SLC41A3: variants seen among roughly 807,000 people sequenced by gnomAD.
The protein encoded by SLC41A3 is solute carrier family 41 member 3.
Under a neutral mutation model 45.4 loss-of-function variants are expected in SLC41A3, and 44 were observed. The observed-to-expected ratio is 0.97, with a 90% CI of 0.76 to 1.25. SLC41A3 has a LOEUF of 1.25. Among genes scored for constraint, SLC41A3 ranks in the 50% most tolerant of loss-of-function variants. The probability of loss-of-function intolerance (pLI) is 0.00; values close to 1 mark genes in which losing one functional copy is unlikely to be tolerated. For missense variants in SLC41A3, 550 were observed against 600.6 expected, an observed-to-expected ratio of 0.92 and a Z score of 0.88; for synonymous variants, 256 against 252.4, an observed-to-expected ratio of 1.01 and a Z score of -0.13.
upstream of SLC41A3, among the ~76,000 whole-genome samples, chr3:126,088,159 G>A (rs1338098337): frequency 4.0e-5 from 6 of 151,884 alleles, no homozygotes; most frequent in African/African-American, 1.5e-4. Flanking sequence ...TTGAAAACAG[G>A]CCAATAAAAT....
intron 2 of SLC41A3, among the ~76,000 whole-genome samples, chr3:126,064,571 C>A (rs1248536277): frequency 6.6e-6 from 1 of 152,094 alleles, no homozygotes; most frequent in East Asian, 1.9e-4. Context: ...GGACTCCCCA[C>A]CCTCACCAGC....
chr3:126,062,227 C>T (rs549609143), intron 2 of SLC41A3, among the ~76,000 whole-genome samples: 1 of 152,316 alleles, frequency 6.6e-6, no homozygotes, highest in East Asian at 1.9e-4. Context: ...TGGCATGACC[C>T]TGTCCATTCA....
At chr3:126,063,003 G>A (rs191289829) in intron 2 of SLC41A3, among the ~76,000 whole-genome samples, 5 of 152,244 alleles carry the variant, frequency 3.3e-5, no homozygotes, top group African/African-American at 4.8e-5. Context: ...TAGGGGCTGC[G>A]GATCCAGGGA....
At chr3:126,095,298 C>T (rs531619764) in intron 1 of SLC41A3, 58 of 661,128 alleles carry the variant, frequency 8.8e-5, no homozygotes, top group Middle Eastern at 3.5e-4. Flanking sequence ...CTGTTGCAGC[C>T]GTGTTGAGGC....
At chr3:126,059,420 G>A (rs1354307567) in intron 2 of SLC41A3, among the ~76,000 whole-genome samples, 1 of 151,964 alleles carries the variant, frequency 6.6e-6, no homozygotes, top group Non-Finnish European at 1.5e-5. Flanking sequence ...AGGAATGCCC[G>A]TAACACTCAG....
chr3:126,083,035 C>A (rs1945241356), intron 1 of SLC41A3, among the ~76,000 whole-genome samples: 2 of 152,216 alleles, frequency 1.3e-5, no homozygotes, highest in Admixed American at 1.3e-4. Context: ...GTTGCCTAAT[C>A]TGTGAAATGG....
At chr3:126,031,159 A>G (rs1441388997) in intron 4 of SLC41A3, among the ~76,000 whole-genome samples, 5 of 152,240 alleles carry the variant, frequency 3.3e-5, no homozygotes, top group Non-Finnish European at 5.9e-5. Context: ...GGTGAATTCA[A>G]AAAGTAGTTT....
At chr3:126,072,361 G>A (rs1326867867) in intron 1 of SLC41A3, among the ~76,000 whole-genome samples, 1 of 116,600 alleles carries the variant, frequency 8.6e-6, no homozygotes, top group Non-Finnish European at 1.7e-5. Context: ...AAAGAGAATT[G>A]TAAAAAAAAA....
intron 1 of SLC41A3, among the ~76,000 whole-genome samples, chr3:126,091,374 A>G (rs777634802): frequency 2.0e-5 from 3 of 152,096 alleles, no homozygotes; most frequent in Non-Finnish European, 4.4e-5. Context: ...ACAACACATG[A>G]AAGATTTACA....
chr3:126,064,906 G>A (rs1019962354), intron 2 of SLC41A3, among the ~76,000 whole-genome samples: 15 of 152,230 alleles, frequency 9.9e-5, no homozygotes, highest in African/African-American at 2.4e-4. Context: ...GGAGCTTGGC[G>A]TCATCAGGTA....
chr3:126,047,402 C>A (rs1489519895), intron 3 of SLC41A3, among the ~76,000 whole-genome samples: 1 of 152,118 alleles, frequency 6.6e-6, no homozygotes, highest in Non-Finnish European at 1.5e-5. Flanking sequence ...TTTGATGAAA[C>A]AGAAAAATAC....
chr3:126,006,425 TAACA>T lies in SLC41A3; in HGVS notation c.*587_*590del, dbSNP rs111477552. ...TTGAAATCTAAATAGAGGTTTTTGC[TAACA>T]AACAAAAAGGAAAATAAAAAGACAG... On this transcript the variant is annotated 3_prime_UTR_variant, in exon 11 of 11. Transcript: ENST00000360370. The T allele has an allele frequency of 0.2, 319,087 of 1,611,050 alleles. 32,503 individuals are homozygous for T. Among genetic ancestry groups the T allele is most frequent in the Middle Eastern group, 0.24 (1,459 of 6,052 alleles).
At chr3:126,065,202 A>G (rs988095361) in intron 2 of SLC41A3, among the ~76,000 whole-genome samples, 5 of 152,228 alleles carry the variant, frequency 3.3e-5, no homozygotes, top group Admixed American at 6.5e-5. Flanking sequence ...CCTGGCCAGC[A>G]CGTGGATTTC....
At chr3:126,047,632 A>T (rs1943049680) in intron 3 of SLC41A3, among the ~76,000 whole-genome samples, 1 of 152,228 alleles carries the variant, frequency 6.6e-6, no homozygotes, top group Non-Finnish European at 1.5e-5. Flanking sequence ...TGCCACGGAC[A>T]TTCAATGGGA....
chr3:126,055,080 C>T (rs945548863), intron 2 of SLC41A3, among the ~76,000 whole-genome samples: 2 of 152,058 alleles, frequency 1.3e-5, no homozygotes, highest in Non-Finnish European at 2.9e-5. Flanking sequence ...ACAGACTGCC[C>T]CTCTCCAACT....
chr3:126,027,295 A>G (rs1277136671), intron 4 of SLC41A3, among the ~76,000 whole-genome samples: 1 of 129,286 alleles, frequency 7.7e-6, no homozygotes, highest in African/African-American at 2.9e-5. Flanking sequence ...ATCGGTGATC[A>G]TGAGTTCTCA....
At chr3:126,056,593 A>C (rs928061325) in intron 2 of SLC41A3, 2 of 1,589,964 alleles carry the variant, frequency 1.3e-6, no homozygotes, top group Non-Finnish European at 1.7e-6. Flanking sequence ...ACGAAGTCAG[A>C]GCCTGGGGTG....
chr3:126,050,407 G>C (rs1266894261), intron 3 of SLC41A3, among the ~76,000 whole-genome samples: 1 of 152,194 alleles, frequency 6.6e-6, no homozygotes, highest in African/African-American at 2.4e-5. Flanking sequence ...GGGATAGCTG[G>C]GAAGGTGTGA....
intron 1 of SLC41A3, among the ~76,000 whole-genome samples, chr3:126,075,265 A>C (rs890449761): frequency 1.3e-5 from 2 of 152,338 alleles, no homozygotes; most frequent in South Asian, 2.1e-4. Flanking sequence ...TTTATACACT[A>C]ATAATGAATA....
Sources: gnomAD v4.1 joint callset for allele counts (sites outside exome capture counted in the v4.1 genomes callset) on GRCh38, gnomAD v4.1.1 for gene constraint, MANE v1.5 for transcripts, NCBI Gene and HGNC (gene_info 2026-07-23, HGNC 2026-07-21) for gene names.